Variants in KIAA0825 observed in about 807,000 individuals in gnomAD.
The protein encoded by KIAA0825 is uncharacterized protein KIAA0825.
In KIAA0825, 119 loss-of-function variants were observed where a neutral mutation model predicts 147.6. The observed-to-expected ratio is 0.81, with a 90% confidence interval of 0.69 to 0.94. The LOEUF is 0.94. Ranked by LOEUF, KIAA0825 falls within the 40% of genes least tolerant of loss-of-function variation. The probability of loss-of-function intolerance (pLI) is 0.00; values close to 1 mark genes in which losing one functional copy is unlikely to be tolerated. For missense variants in KIAA0825, 1,381 were observed against 1,472.7 expected, an observed-to-expected ratio of 0.94 and a Z score of 1.02; for synonymous variants, 470 against 518.1, an observed-to-expected ratio of 0.91 and a Z score of 1.26.
At chr5:94,189,529 G>GT (rs914060955) in intron 20 of KIAA0825, among the ~76,000 whole-genome samples, 35 of 152,084 alleles carry the variant, frequency 2.3e-4, no homozygotes, top group African/African-American at 6.7e-4. Context: ...TGAAAAGACT[G>GT]TTTTTTTCCT....
At chr5:94,365,844 G>A (rs1304992901) in intron 20 of KIAA0825, among the ~76,000 whole-genome samples, 1 of 152,194 alleles carries the variant, frequency 6.6e-6, no homozygotes, top group Non-Finnish European at 1.5e-5. Context: ...GAGTCACGCA[G>A]CTGGAGGCTG....
chr5:94,592,013 T>C (rs917172551), intron 1 of KIAA0825, among the ~76,000 whole-genome samples: 5 of 152,192 alleles, frequency 3.3e-5, no homozygotes, highest in African/African-American at 1.2e-4. Flanking sequence ...TTATGGCAGC[T>C]ATAATTCAAG....
At chr5:94,459,827 T>C (rs962266156) in intron 12 of KIAA0825, among the ~76,000 whole-genome samples, 9 of 152,146 alleles carry the variant, frequency 5.9e-5, no homozygotes, top group African/African-American at 2.2e-4. Flanking sequence ...AATATAGATA[T>C]AGACATTAGA....
intron 20 of KIAA0825, among the ~76,000 whole-genome samples, chr5:94,349,504 C>A (rs1254902023): frequency 6.6e-6 from 1 of 152,178 alleles, no homozygotes; most frequent in Admixed American, 6.5e-5. Context: ...GTACATGGAA[C>A]TTTCTCCAAG....
chr5:94,502,193 C>CACAT (rs959368306), intron 5 of KIAA0825, among the ~76,000 whole-genome samples: 6 of 151,870 alleles, frequency 4.0e-5, no homozygotes, highest in African/African-American at 9.7e-5. Flanking sequence ...TGTATGTATA[C>CACAT]ACATACATAC....
chr5:94,360,249 G>A (rs897937231), intron 20 of KIAA0825, among the ~76,000 whole-genome samples: 19 of 151,826 alleles, frequency 1.3e-4, no homozygotes, highest in African/African-American at 3.9e-4. Context: ...CACCGAGAGG[G>A]AAAGAATTAC....
Position 94,614,438 on chromosome 5 carries a change from C to A in KIAA0825, c.-153+4062G>T, listed in dbSNP as rs1204066874. On this transcript the variant is annotated intron_variant, in intron 1 of 20. Transcript: ENST00000682413. ...TCCTAGTTATACACACAGATTATTG[C>A]TTATCGTTAAAAGCCTAACATCTCT... Among the ~76,000 whole-genome samples the A allele has an allele frequency of 4.6e-5, 7 of 152,308 alleles. No individual in the cohort carries two copies. The East Asian group carries it at 1.3e-3, about 29-fold the overall frequency.
intron 3 of KIAA0825, among the ~76,000 whole-genome samples, chr5:94,535,289 C>T (rs191037152): frequency 6.6e-6 from 1 of 151,938 alleles, no homozygotes. Flanking sequence ...GCGGGTGGAT[C>T]ACCTGAGGTC....
At chr5:94,508,541 G>T (rs1241215881) in intron 5 of KIAA0825, among the ~76,000 whole-genome samples, 1 of 152,128 alleles carries the variant, frequency 6.6e-6, no homozygotes, top group South Asian at 2.1e-4. Flanking sequence ...AAAAAAAAGG[G>T]GGGGGAAGTA....
At chr5:94,474,347 T>C (rs1273531673) in intron 7 of KIAA0825, among the ~76,000 whole-genome samples, 1 of 152,194 alleles carries the variant, frequency 6.6e-6, no homozygotes, top group Admixed American at 6.5e-5. Context: ...AGGCTGAACC[T>C]ATGCTTAGGA....
intron 13 of KIAA0825, among the ~76,000 whole-genome samples, chr5:94,444,343 T>C (rs1199454658): frequency 2.0e-5 from 3 of 152,118 alleles, no homozygotes; most frequent in African/African-American, 4.8e-5. Context: ...AAGGAATTAC[T>C]ATGCTGGTGA....
At chr5:94,248,990 A>G (rs1775791218) in intron 20 of KIAA0825, among the ~76,000 whole-genome samples, 2 of 152,156 alleles carry the variant, frequency 1.3e-5, no homozygotes, top group African/African-American at 2.4e-5. Flanking sequence ...GTGCTATAAT[A>G]TAACTGTGGG....
At chr5:94,316,783 T>A (rs1340354242) in intron 20 of KIAA0825, among the ~76,000 whole-genome samples, 1 of 151,838 alleles carries the variant, frequency 6.6e-6, no homozygotes, top group Non-Finnish European at 1.5e-5. Context: ...TTTATTTTAT[T>A]GTTTTTTTAA....
chr5:94,510,072 G>A (rs1394860443), intron 5 of KIAA0825, among the ~76,000 whole-genome samples: 18 of 152,068 alleles, frequency 1.2e-4, no homozygotes, highest in Admixed American at 1.2e-3. Context: ...CAAAAAATTT[G>A]GAGGCAATTT....
intron 20 of KIAA0825, among the ~76,000 whole-genome samples, chr5:94,264,045 T>A (rs912070080): frequency 5.3e-5 from 8 of 152,202 alleles, no homozygotes; most frequent in African/African-American, 1.9e-4. Flanking sequence ...CATATCACAG[T>A]GCCCTTGCCA....
chr5:94,522,801 C>T (rs935539514), intron 4 of KIAA0825, among the ~76,000 whole-genome samples: 10 of 151,554 alleles, frequency 6.6e-5, no homozygotes, highest in Non-Finnish European at 7.4e-5. Context: ...AAAACTAAGG[C>T]GGCCTTTGCC....
At chr5:94,478,459 ACACAC>A (rs1437875541) in intron 6 of KIAA0825, among the ~76,000 whole-genome samples, 1 of 151,480 alleles carries the variant, frequency 6.6e-6, no homozygotes, top group Non-Finnish European at 1.5e-5. Context: ...CATCACACAC[ACACAC>A]ACACACACAC....
At chr5:94,547,642 C>G (rs1774685124) in intron 2 of KIAA0825, among the ~76,000 whole-genome samples, 1 of 148,374 alleles carries the variant, frequency 6.7e-6, no homozygotes, top group East Asian at 2.0e-4. Context: ...GAGGCTGAGG[C>G]AGGAGAATCA....
At chr5:94,615,741 T>C (rs1790270948) in intron 1 of KIAA0825, 1 of 151,988 alleles carries the variant, frequency 6.6e-6, no homozygotes, top group Admixed American at 6.6e-5. Flanking sequence ...TTTATTTATG[T>C]GGTAAATCCT....
Sources: gnomAD v4.1 joint callset for allele counts (sites outside exome capture counted in the v4.1 genomes callset) on GRCh38, gnomAD v4.1.1 for gene constraint, MANE v1.5 for transcripts, NCBI Gene and HGNC (gene_info 2026-07-23, HGNC 2026-07-21) for gene names.